TIAM1: variants seen among roughly 807,000 people sequenced by gnomAD.
The protein encoded by TIAM1 is rho guanine nucleotide exchange factor TIAM1.
In TIAM1, 65 loss-of-function variants were observed where a neutral mutation model predicts 163.5. The ratio of observed to expected loss-of-function variants is 0.40; its 90% CI spans 0.33 to 0.49. The LOEUF (loss-of-function observed/expected upper bound fraction) is 0.49, where lower values mean the gene tolerates loss of function less well. Ranked by LOEUF, TIAM1 falls within the 20% of genes least tolerant of loss-of-function variation. TIAM1 has a pLI of 0.77. For synonymous variants in TIAM1, 833 were observed against 810.1 expected, an observed-to-expected ratio of 1.03 and a Z score of -0.48; for missense variants, 1,789 against 2,044.7, an observed-to-expected ratio of 0.87 and a Z score of 2.41.
At chr21:31,549,252 T>C (rs1003976429) in intron 1 of TIAM1, among the ~76,000 whole-genome samples, 2 of 152,180 alleles carry the variant, frequency 1.3e-5, no homozygotes, top group African/African-American at 2.4e-5. Flanking sequence ...GAAAAGGAAA[T>C]GTAAATTAGC....
intron 4 of TIAM1, among the ~76,000 whole-genome samples, chr21:31,261,442 T>G (rs1286187414): frequency 6.6e-6 from 1 of 152,120 alleles, no homozygotes; most frequent in Non-Finnish European, 1.5e-5. Context: ...CCGGGTGCGG[T>G]GGCTCACGCC....
intron 16 of TIAM1, among the ~76,000 whole-genome samples, chr21:31,161,291 T>C (rs2146351831): frequency 6.6e-6 from 1 of 152,298 alleles, no homozygotes; most frequent in Non-Finnish European, 1.5e-5. Context: ...CTGAAGCTAA[T>C]TAGCATTCAT....
chr21:31,296,950 A>G (rs1481382726), intron 2 of TIAM1, among the ~76,000 whole-genome samples: 1 of 152,168 alleles, frequency 6.6e-6, no homozygotes, highest in African/African-American at 2.4e-5. Context: ...GGCATGAGCC[A>G]CTGCATCTGG....
At chr21:31,217,786 C>CA in intron 8 of TIAM1, 87 bp from the exon 9 acceptor site, 2 of 1,500,148 alleles carry the variant, frequency 1.3e-6, no homozygotes, top group South Asian at 1.4e-5. Context: ...TCCCACCCTT[C>CA]AAAAAACCCT....
upstream of TIAM1, among the ~76,000 whole-genome samples, chr21:31,348,230 T>C (rs901683820): frequency 6.6e-6 from 1 of 152,146 alleles, no homozygotes; most frequent in African/African-American, 2.4e-5. Context: ...CAGAACCAAC[T>C]TGGTCAGGAA....
intron 1 of TIAM1, among the ~76,000 whole-genome samples, chr21:31,468,002 C>G (rs543342394): frequency 1.3e-5 from 2 of 150,368 alleles, no homozygotes; most frequent in Non-Finnish European, 3.0e-5. Flanking sequence ...AGGAGAATTG[C>G]TTGAACCTGG....
intron 2 of TIAM1, among the ~76,000 whole-genome samples, chr21:31,378,136 C>CAA (rs367907079): frequency 0.011 from 521 of 47,938 alleles, 15 homozygotes; most frequent in African/African-American, 0.033. Flanking sequence ...AACTCTGTCT[C>CAA]AAAAAAAAAA....
chr21:31,442,487 C>T (rs2044473417), intron 2 of TIAM1, among the ~76,000 whole-genome samples: 1 of 152,098 alleles, frequency 6.6e-6, no homozygotes, highest in African/African-American at 2.4e-5. Flanking sequence ...CCTGCCTCCG[C>T]CTCCCAAGGC....
At chr21:31,186,906 A>G in intron 14 of TIAM1, 95 bp downstream of exon 14, 1 of 1,040,538 alleles carries the variant, frequency 9.6e-7, no homozygotes, top group East Asian at 2.4e-5. Context: ...ACTTTCCACA[A>G]ATGAATCCTT....
intron 2 of TIAM1, among the ~76,000 whole-genome samples, chr21:31,319,429 AG>A (rs1270420857): frequency 6.6e-6 from 1 of 152,140 alleles, no homozygotes; most frequent in Admixed American, 6.6e-5. Context: ...ACAATGCACA[AG>A]GGTTCGAATT....
At position 31,251,883 on chromosome 21, in the gene TIAM1, C is replaced by G. The variant is rs2071827731; in HGVS notation, c.1270G>C (p.Asp424His). 3 of 1,613,846 alleles carry G rather than the reference C, an allele frequency of 1.9e-6. No individual in the cohort carries two copies. The highest frequency in any genetic ancestry group is 2.5e-6 in the Non-Finnish European group (3 of 1,179,924). The change falls in exon 5 of 28, where the codon GAC becomes CAC. Residue 424 changes from aspartate to histidine, a missense_variant. Coordinates refer to ENST00000541036, the MANE Select transcript of TIAM1 (RefSeq NM_001353694.2). ...CCCTGTGCGGCGGTCAGCAGGATGT[C>G]CGACTGGCCCGGAGAGCTCAGGGTG... is the stretch of plus-strand genomic sequence containing the variant. ...SGTLSSPGQS[D>H]ILLTAAQGTV...
At chr21:31,402,751 C>G (rs1030102423) in intron 2 of TIAM1, among the ~76,000 whole-genome samples, 2 of 152,042 alleles carry the variant, frequency 1.3e-5, no homozygotes, top group African/African-American at 4.8e-5. Flanking sequence ...AGAGCGAGAC[C>G]ATCCTGGCTA....
intron 2 of TIAM1, among the ~76,000 whole-genome samples, chr21:31,338,933 C>A (rs1462032435): frequency 1.3e-5 from 2 of 152,124 alleles, no homozygotes; most frequent in Non-Finnish European, 2.9e-5. Flanking sequence ...ATTCCTTCTT[C>A]CCCTTTCCTA....
At chr21:31,415,735 T>G (rs1048393939) in intron 2 of TIAM1, among the ~76,000 whole-genome samples, 2 of 152,156 alleles carry the variant, frequency 1.3e-5, no homozygotes, top group African/African-American at 4.8e-5. Flanking sequence ...CATGACTCCG[T>G]TTTACTGGTC....
intron 2 of TIAM1, among the ~76,000 whole-genome samples, chr21:31,313,633 G>GC (rs2075008186): frequency 2.0e-5 from 3 of 152,132 alleles, no homozygotes. Flanking sequence ...GCCATCCAGT[G>GC]GCGCAATCTT....
chr21:31,141,263 G>A lies in TIAM1; in HGVS notation c.3656-27C>T, dbSNP rs1293164437. On this transcript the variant is annotated intron_variant, in intron 21 of 27. Coordinates refer to ENST00000541036, the MANE Select transcript of TIAM1 (RefSeq NM_001353694.2). This position sits in a 1 kb window ranked among gnomAD's most constrained non-coding sequence, Gnocchi z 4.7. ...TGGAAGAAAACAGGTTGTGAAATGAGAGGCTATTTAGAGACCCTCATGGAG... is the reference window on the plus strand; with the variant it reads ...TGGAAGAAAACAGGTTGTGAAATGAAAGGCTATTTAGAGACCCTCATGGAG... 3.1e-6 allele frequency: 5 copies of A among 1,613,848 alleles called. No homozygotes were observed. In the African/African-American group the frequency reaches 4.0e-5, roughly 13 times the overall value.
chr21:31,281,085 C>CAAAAAAAAAAAAAAA (rs748020575), intron 2 of TIAM1, among the ~76,000 whole-genome samples: 3 of 63,728 alleles, frequency 4.7e-5, no homozygotes, highest in East Asian at 4.8e-4. Flanking sequence ...GACCCTAACT[C>CAAAAAAAAAAAAAAA]AAAAAAAAAA....
At chr21:31,164,283 G>A (rs1405175098) in intron 16 of TIAM1, among the ~76,000 whole-genome samples, 1 of 151,972 alleles carries the variant, frequency 6.6e-6, no homozygotes, top group African/African-American at 2.4e-5. Flanking sequence ...CTAGCTACTC[G>A]GGAGGCTGAG....
At chr21:31,381,142 C>G (rs1398307782) in intron 2 of TIAM1, among the ~76,000 whole-genome samples, 2 of 152,180 alleles carry the variant, frequency 1.3e-5, no homozygotes, top group African/African-American at 4.8e-5. Context: ...TGACACCAAG[C>G]TGACTGTTTA....
Sources: allele counts gnomAD v4.1 joint callset (sites outside exome capture counted in the v4.1 genomes callset), GRCh38; gene constraint gnomAD v4.1.1; non-coding constraint Gnocchi (gnomAD v3.1); transcripts MANE v1.5; gene names NCBI Gene and HGNC (gene_info 2026-07-23, HGNC 2026-07-21).